The following PIEZO2 variants were observed in gnomAD, a reference collection of about 807,000 sequenced individuals.
The protein encoded by PIEZO2 is piezo type mechanosensitive ion channel component 2.
A neutral mutation model predicts 337.3 loss-of-function variants in PIEZO2; 172 were observed. The observed-to-expected ratio is 0.51, with a 90% CI of 0.45 to 0.58. The LOEUF (loss-of-function observed/expected upper bound fraction) is 0.58, where lower values mean the gene tolerates loss of function less well. Among genes scored for constraint, PIEZO2 ranks in the 20% least tolerant of loss-of-function variants. The pLI is 0.00. For missense variants in PIEZO2, 3,028 were observed against 3,391.3 expected, an observed-to-expected ratio of 0.89 and a Z score of 2.66; for synonymous variants, 1,251 against 1,228.5, an observed-to-expected ratio of 1.02 and a Z score of -0.38.
rs888993826 is a variant in PIEZO2, at chr18:11,101,318, C to T, written c.65-35096G>A. ...CAATCCTGAGGCCTCGAGTGCTGCA[C>T]GTGGGTCCCCACGCACCACTTGCTG... On this transcript the variant is annotated intron_variant, in intron 1 of 55. Transcript: ENST00000674853. This position sits in a 1 kb window ranked among gnomAD's most constrained non-coding sequence, Gnocchi z 4.4. Among the ~76,000 whole-genome samples, 1 of 152,234 alleles carries T rather than the reference C, an allele frequency of 6.6e-6. No individual in the cohort carries two copies. Among genetic ancestry groups the T allele is most frequent in the African/African-American group, 2.4e-5 (1 of 41,458 alleles).
At chr18:10,754,210 C>A (rs1444686689) in intron 27 of PIEZO2, among the ~76,000 whole-genome samples, 1 of 152,236 alleles carries the variant, frequency 6.6e-6, no homozygotes, top group Non-Finnish European at 1.5e-5. Flanking sequence ...TTGATAAATA[C>A]GCTTCAAAGC....
intron 4 of PIEZO2, among the ~76,000 whole-genome samples, chr18:10,892,477 G>C (rs1321243881): frequency 2.6e-5 from 4 of 152,194 alleles, no homozygotes; most frequent in Non-Finnish European, 5.9e-5. Context: ...GCTGGGGGAA[G>C]AGGTGGGAGG....
rs2041921487 is a variant in PIEZO2 at position 10,863,230 on chromosome 18, A to G, written c.493-6019T>C. Among the ~76,000 whole-genome samples, 2 of 152,240 alleles carry G rather than the reference A, an allele frequency of 1.3e-5. No homozygotes were observed. The highest frequency in any genetic ancestry group is 4.8e-5 in the African/African-American group (2 of 41,456). On this transcript the variant is annotated intron_variant, in intron 5 of 55. Coordinates refer to ENST00000674853, the MANE Select transcript of PIEZO2 (RefSeq NM_001378183.1). The surrounding 1 kb of genome is among the most constrained non-coding windows in gnomAD (Gnocchi z 4.3). Reference sequence around the variant, plus strand: ...AAAAGACAAGGTTGTGACTCACTGCAGAAGATGAATTTCATCCCCAGGGTT... The same window carrying G: ...AAAAGACAAGGTTGTGACTCACTGCGGAAGATGAATTTCATCCCCAGGGTT...
At chr18:10,774,308 T>C (rs1004314865) in intron 18 of PIEZO2, among the ~76,000 whole-genome samples, 1 of 152,220 alleles carries the variant, frequency 6.6e-6, no homozygotes, top group African/African-American at 2.4e-5. Context: ...AGGCAAATTA[T>C]ATCATGCTTT....
intron 18 of PIEZO2, among the ~76,000 whole-genome samples, chr18:10,779,085 T>A (rs769973890): frequency 2.0e-5 from 3 of 152,200 alleles, no homozygotes; most frequent in Non-Finnish European, 4.4e-5. Flanking sequence ...TGTTTCTTTT[T>A]CAGGTTGTCA....
chr18:10,752,700 A>C lies in PIEZO2; in HGVS notation c.4103T>G (p.Leu1368Arg), dbSNP rs2037693914. The change falls in exon 28 of 56, where the codon CTG becomes CGG. Residue 1368 changes from leucine (L) to arginine (R), a missense_variant. Coordinates refer to ENST00000674853, the MANE Select transcript of PIEZO2 (RefSeq NM_001378183.1). ...TGCGATCAGCCAGTCCCAGTAGCGC[A>C]GGATGCTCTTGATGGGTTTCAACAG... is the stretch of plus-strand genomic sequence containing the variant. ...DLLLKPIKSI[L>R]RYWDWLIAYN... 1 of 1,537,126 alleles carries C rather than the reference A, an allele frequency of 6.5e-7. No individual in the cohort carries two copies. The highest frequency in any genetic ancestry group is 2.4e-5 in the East Asian group (1 of 40,936).
rs967652273 is a variant in PIEZO2, at chr18:10,853,307, C to A, written c.917+2046G>T. Among the ~76,000 whole-genome samples, 1 of 152,210 alleles carries A rather than the reference C, an allele frequency of 6.6e-6. No homozygotes were observed. Among genetic ancestry groups the A allele is most frequent in the Non-Finnish European group, 1.5e-5 (1 of 68,048 alleles). ...ATAAAACCCCAGTCAAAGGTCAAAC[C>A]GTGCACTTGATCTCAAGTCGCCTGC... is the stretch of plus-strand genomic sequence containing the variant. On this transcript the variant is annotated intron_variant, in intron 7 of 55. Transcript: ENST00000674853. This position sits in a 1 kb window ranked among gnomAD's most constrained non-coding sequence, Gnocchi z 4.2.
chr18:10,981,062 C>T (rs2034645611), intron 2 of PIEZO2, among the ~76,000 whole-genome samples: 1 of 152,182 alleles, frequency 6.6e-6, no homozygotes, highest in East Asian at 1.9e-4. Context: ...GCACTACTGA[C>T]TGTGAACTTC....
Position 10,752,789 on chromosome 18 carries a change from G to T in PIEZO2, c.4014C>A (p.Ile1338=). The change falls in exon 28 of 56, where the codon ATC becomes ATA. Residue 1338 remains isoleucine, a synonymous_variant. Coordinates refer to ENST00000674853, the MANE Select transcript of PIEZO2 (RefSeq NM_001378183.1). ...TIIFITGTTR[I]SIFCMGYLVA... is the part of the protein sequence containing the mutation. ...CCAGGTACCCCATGCAAAAGATGCT[G>T]ATCCTGGTGGTCCCAGTGATGAAGA... 1 of 1,537,206 alleles carries T rather than the reference G, an allele frequency of 6.5e-7. No homozygotes were observed. Among genetic ancestry groups the T allele is most frequent in the South Asian group, 1.2e-5 (1 of 84,064 alleles).
Position 10,781,299 on chromosome 18 carries a change from G to A in PIEZO2, c.2493-933C>T, listed in dbSNP as rs1387542660. 4.6e-5 allele frequency among the ~76,000 whole-genome samples: 7 copies of A among 151,610 alleles called. No homozygotes were observed. Among genetic ancestry groups the A allele is most frequent in the Non-Finnish European group, 8.8e-5 (6 of 67,934 alleles). On this transcript the variant is annotated intron_variant, in intron 17 of 55. Coordinates refer to ENST00000674853, the MANE Select transcript of PIEZO2 (RefSeq NM_001378183.1). This position sits in a 1 kb window ranked among gnomAD's most constrained non-coding sequence, Gnocchi z 4.1. Reference sequence around the variant, plus strand: ...GCCTGGCCAATATGGTGAAACCCCCGTCTCTATTAAAAATAGAAAAATTAG... The same window carrying A: ...GCCTGGCCAATATGGTGAAACCCCCATCTCTATTAAAAATAGAAAAATTAG...
At position 10,787,087 on chromosome 18, in the gene PIEZO2, A is replaced by G. The variant is rs1004466429; in HGVS notation, c.2267T>C (p.Phe756Ser). Residue 756 changes from phenylalanine (F) to serine (S), a missense_variant, in exon 16 of 56, where the codon TTT (phenylalanine) becomes TCT (serine). Transcript: ENST00000674853. ...TTGCCACAGGCCTGGGAAGTTCTCA[A>G]ACTGATATGTGTATATAAAGATAAG... is the stretch of plus-strand genomic sequence containing the variant. ...LVLIFIYTYQ[F>S]ENFPGLWQNM... 1 of 1,535,706 alleles carries G rather than the reference A, an allele frequency of 6.5e-7. No individual in the cohort carries two copies. The highest frequency in any genetic ancestry group is 8.7e-7 in the Non-Finnish European group (1 of 1,145,892).
intron 3 of PIEZO2, among the ~76,000 whole-genome samples, chr18:10,946,643 C>A (rs1429624902): frequency 2.0e-5 from 3 of 152,208 alleles, no homozygotes; most frequent in African/African-American, 7.2e-5. Flanking sequence ...TGTGAGTGAG[C>A]TCCACTCCGC....
chr18:10,688,140 A>G (rs1342084055), intron 49 of PIEZO2, among the ~76,000 whole-genome samples: 2 of 152,026 alleles, frequency 1.3e-5, no homozygotes, highest in South Asian at 2.1e-4. Flanking sequence ...ATTTGTCCTA[A>G]TACTATCCCT....
intron 5 of PIEZO2, among the ~76,000 whole-genome samples, chr18:10,860,825 A>T (rs2041852367): frequency 6.6e-6 from 1 of 152,226 alleles, no homozygotes. Context: ...GGTTATACAA[A>T]TGCATTTCCC....
intron 36 of PIEZO2, among the ~76,000 whole-genome samples, chr18:10,720,385 GTGTGTGTGTGTGTGTGTGTA>G (rs1402711276): frequency 2.6e-4 from 9 of 34,892 alleles, no homozygotes; most frequent in Admixed American, 1.1e-3. Context: ...GTGTGTGTGT[GTGTGTGTGTGTGTGTGTGTA>G]TGTGTATGTG....
rs566619999 is a variant in PIEZO2 at position 10,855,821 on chromosome 18, T to C, written c.704-255A>G. On this transcript the variant is annotated intron_variant, in intron 6 of 55. Coordinates refer to ENST00000674853, the MANE Select transcript of PIEZO2 (RefSeq NM_001378183.1). The surrounding 1 kb of genome is among the most constrained non-coding windows in gnomAD (Gnocchi z 4.9). ...GATTAAAAAAATTCCACCTGTGGCG[T>C]CTGAACTAAGTAAATGTCTACTTTT... Among the ~76,000 whole-genome samples, 2 of 152,300 alleles carry C rather than the reference T, an allele frequency of 1.3e-5. No homozygotes were observed. Among genetic ancestry groups the C allele is most frequent in the Middle Eastern group, 6.8e-3 (2 of 294 alleles).
At chr18:10,841,755 T>C (rs563885077) in intron 7 of PIEZO2, among the ~76,000 whole-genome samples, 18 of 152,230 alleles carry the variant, frequency 1.2e-4, no homozygotes, top group East Asian at 1.9e-4. Context: ...AAGATCTCCA[T>C]TGAAGGTAAA....
intron 2 of PIEZO2, among the ~76,000 whole-genome samples, chr18:11,061,861 C>A (rs1159723057): frequency 6.6e-6 from 1 of 152,170 alleles, no homozygotes; most frequent in East Asian, 1.9e-4. Context: ...TCAATGCCAT[C>A]CCCATCAAGC....
At chr18:11,144,964 G>A (rs915930146) in intron 1 of PIEZO2, among the ~76,000 whole-genome samples, 16 of 152,136 alleles carry the variant, frequency 1.1e-4, no homozygotes, top group Non-Finnish European at 1.9e-4. Context: ...ATTCTTGACC[G>A]AAAAAATCTC....
Sources: allele counts gnomAD v4.1 joint callset (sites outside exome capture counted in the v4.1 genomes callset), GRCh38; gene constraint gnomAD v4.1.1; non-coding constraint Gnocchi (gnomAD v3.1); transcripts MANE v1.5; gene names NCBI Gene and HGNC (gene_info 2026-07-23, HGNC 2026-07-21).